The following ANO2 variants were observed in gnomAD, a reference collection of about 807,000 sequenced individuals.
ANO2 encodes the protein anoctamin-2.
A neutral mutation model predicts 124.2 loss-of-function variants in ANO2; 101 were observed. The ratio of observed to expected loss-of-function variants is 0.81; its 90% CI spans 0.69 to 0.96. The LOEUF is 0.96. Ranked by LOEUF, ANO2 falls within the 40% of genes least tolerant of loss-of-function variation. The pLI is 0.00. For synonymous variants in ANO2, 486 were observed against 482.5 expected (o/e 1.01, Z -0.09); for missense variants, 1,293 against 1,274.5 (o/e 1.01, Z -0.22).
At position 5,921,379 on chromosome 12, in the gene ANO2, A is replaced by G; in HGVS notation, c.208-13T>C. 6.2e-7 allele frequency: 1 copy of G among 1,610,722 alleles called. No homozygotes were observed. On this transcript the variant is annotated splice_polypyrimidine_tract_variant and intron_variant, in intron 2 of 24. Transcript: ENST00000682330. ...AGTTGTTGATGACCTGGCCAGAGAG[A>G]GAGGAGAGGCAGGGCAAGGTCTGGT...
At chr12:5,890,901 AT>A (rs1939344069) in intron 3 of ANO2, among the ~76,000 whole-genome samples, 1 of 152,124 alleles carries the variant, frequency 6.6e-6, no homozygotes, top group Non-Finnish European at 1.5e-5. Context: ...CACAGAAAAC[AT>A]TGTTTGCCTT....
At chr12:5,627,193 C>A (rs1436633170) in intron 16 of ANO2, among the ~76,000 whole-genome samples, 1 of 152,164 alleles carries the variant, frequency 6.6e-6, no homozygotes, top group African/African-American at 2.4e-5. Context: ...CTCTGTTTCC[C>A]AGACAACATT....
intron 14 of ANO2, among the ~76,000 whole-genome samples, chr12:5,664,392 C>CATCT (rs1018697461): frequency 1.3e-5 from 2 of 152,110 alleles, no homozygotes; most frequent in African/African-American, 4.8e-5. Context: ...TTCATATACC[C>CATCT]ATCTATCCAT....
At chr12:5,882,012 G>A (rs1335288182) in intron 3 of ANO2, among the ~76,000 whole-genome samples, 2 of 152,156 alleles carry the variant, frequency 1.3e-5, no homozygotes, top group Non-Finnish European at 2.9e-5. Flanking sequence ...GGCTAGAGAA[G>A]GCAAAGAAAG....
At chr12:5,648,505 C>A (rs572188553) in intron 14 of ANO2, among the ~76,000 whole-genome samples, 1 of 152,186 alleles carries the variant, frequency 6.6e-6, no homozygotes, top group Non-Finnish European at 1.5e-5. Flanking sequence ...CATTATCCTG[C>A]GACAATCGTT....
intron 15 of ANO2, among the ~76,000 whole-genome samples, chr12:5,642,620 C>T (rs1946439609): frequency 6.6e-6 from 1 of 152,178 alleles, no homozygotes. Context: ...ATTTTCTCAC[C>T]CCAGCAGCCA....
intron 19 of ANO2, among the ~76,000 whole-genome samples, chr12:5,606,704 C>G (rs988246125): frequency 6.6e-6 from 1 of 152,052 alleles, no homozygotes; most frequent in Non-Finnish European, 1.5e-5. Flanking sequence ...ATTCAAGAAG[C>G]CTGCTAGATT....
intron 3 of ANO2, among the ~76,000 whole-genome samples, chr12:5,887,892 T>C (rs1939058512): frequency 6.6e-6 from 1 of 151,962 alleles, no homozygotes; most frequent in Admixed American, 6.6e-5. Context: ...AAGAAACCTT[T>C]GGTGGTGCAC....
intron 3 of ANO2, among the ~76,000 whole-genome samples, chr12:5,869,144 T>C (rs1175046063): frequency 2.6e-5 from 4 of 152,092 alleles, no homozygotes; most frequent in Admixed American, 2.0e-4. Context: ...AAATGGAAAC[T>C]GTGGGTCCCA....
intron 14 of ANO2, among the ~76,000 whole-genome samples, chr12:5,681,170 T>TA (rs1379177382): frequency 6.6e-6 from 1 of 152,162 alleles, no homozygotes; most frequent in Non-Finnish European, 1.5e-5. Context: ...AGACTCCAGG[T>TA]AAACCCAGAG....
intron 10 of ANO2, among the ~76,000 whole-genome samples, chr12:5,756,741 CA>C (rs11333529): frequency 0.12 from 18,749 of 152,240 alleles, 1,278 homozygotes; most frequent in African/African-American, 0.19. Context: ...GCGCCACAGA[CA>C]GAGATTCTGT....
Position 5,908,791 on chromosome 12 carries a change from A to G in ANO2, c.534+12249T>C, listed in dbSNP as rs1339855907. Among the ~76,000 whole-genome samples, 1 of 152,166 alleles carries G rather than the reference A, an allele frequency of 6.6e-6. No individual in the cohort carries two copies. The highest frequency in any genetic ancestry group is 2.1e-4 in the South Asian group (1 of 4,822). On this transcript the variant is annotated intron_variant, in intron 3 of 24. Coordinates refer to ENST00000682330, the MANE Select transcript of ANO2 (RefSeq NM_001364791.2). This position sits in a 1 kb window ranked among gnomAD's most constrained non-coding sequence, Gnocchi z 4.7. ...CTGCTCTTCCTTTTGCTTCCATTGT[A>G]ACTGTCGCTTTGTTTTCCCTTACAA...
chr12:5,790,466 T>C (rs1952665402), intron 10 of ANO2, among the ~76,000 whole-genome samples: 1 of 152,182 alleles, frequency 6.6e-6, no homozygotes, highest in African/African-American at 2.4e-5. Flanking sequence ...GTCTCTTCTC[T>C]CAACATTTCC....
At chr12:5,657,817 C>T (rs1466995681) in intron 14 of ANO2, among the ~76,000 whole-genome samples, 1 of 94,422 alleles carries the variant, frequency 1.1e-5, no homozygotes, top group Non-Finnish European at 2.4e-5. Flanking sequence ...TAGCCTCTCA[C>T]AGAATGGCAT....
chr12:5,810,266 C>G (rs1032447206), intron 7 of ANO2, among the ~76,000 whole-genome samples: 2 of 152,192 alleles, frequency 1.3e-5, no homozygotes, highest in Admixed American at 6.5e-5. Context: ...CCATCCACAA[C>G]TTTACCCAAC....
At chr12:5,578,039 C>A in intron 21 of ANO2, 32 bp from the exon 22 acceptor site, 1 of 1,607,910 alleles carries the variant, frequency 6.2e-7, no homozygotes, top group Non-Finnish European at 8.5e-7. Flanking sequence ...GTCTGGCTCA[C>A]TCCCGCCCTC....
intron 3 of ANO2, among the ~76,000 whole-genome samples, chr12:5,889,495 A>G (rs1418596244): frequency 6.6e-6 from 1 of 152,268 alleles, no homozygotes; most frequent in Non-Finnish European, 1.5e-5. Context: ...TTGGTAAAAC[A>G]TGGGTCAGCA....
intron 3 of ANO2, among the ~76,000 whole-genome samples, chr12:5,918,630 A>G (rs985992382): frequency 6.6e-6 from 1 of 151,962 alleles, no homozygotes; most frequent in Non-Finnish European, 1.5e-5. Flanking sequence ...TAGTAGAGAC[A>G]GTGTTTCACC....
chr12:5,817,291 G>C (rs764386336), intron 7 of ANO2, among the ~76,000 whole-genome samples: 1 of 152,192 alleles, frequency 6.6e-6, no homozygotes, highest in Non-Finnish European at 1.5e-5. Context: ...GATGCAGAGA[G>C]GTTATTTGTC....
Sources: allele counts gnomAD v4.1 joint callset (sites outside exome capture counted in the v4.1 genomes callset), GRCh38; gene constraint gnomAD v4.1.1; non-coding constraint Gnocchi (gnomAD v3.1); transcripts MANE v1.5; gene names NCBI Gene and HGNC (gene_info 2026-07-23, HGNC 2026-07-21).